The following PTPRG variants were observed in gnomAD, a reference collection of about 807,000 sequenced individuals.
The protein encoded by PTPRG is receptor-type tyrosine-protein phosphatase gamma.
Under a neutral mutation model 165.3 loss-of-function variants are expected in PTPRG, and 102 were observed. The observed-to-expected ratio is 0.62, with a 90% CI of 0.53 to 0.73. The LOEUF (loss-of-function observed/expected upper bound fraction) is 0.73, where lower values mean the gene tolerates loss of function less well. Among genes scored for constraint, PTPRG ranks in the 30% least tolerant of loss-of-function variants. The pLI is 0.00. For missense variants in PTPRG, 1,866 were observed against 1,861.4 expected (o/e 1.00, Z -0.05); for synonymous variants, 675 against 669.5 (o/e 1.01, Z -0.13).
intron 5 of PTPRG, among the ~76,000 whole-genome samples, chr3:62,086,023 T>A (rs1024876334): frequency 6.6e-6 from 1 of 152,174 alleles, no homozygotes; most frequent in Non-Finnish European, 1.5e-5. Flanking sequence ...AAGAATTATA[T>A]CTTATGTATA....
intron 1 of PTPRG, among the ~76,000 whole-genome samples, chr3:61,676,775 A>G (rs1333491523): frequency 6.6e-6 from 1 of 152,168 alleles, no homozygotes; most frequent in African/African-American, 2.4e-5. Context: ...CCTTCCTCTC[A>G]TCAGGGATAG....
chr3:61,622,385 A>G (rs1701485358), intron 1 of PTPRG, among the ~76,000 whole-genome samples: 1 of 152,208 alleles, frequency 6.6e-6, no homozygotes, highest in Non-Finnish European at 1.5e-5. Context: ...AGTGCCTAAC[A>G]GAAGTTGGTA....
intron 1 of PTPRG, among the ~76,000 whole-genome samples, chr3:61,726,228 G>C (rs1274022185): frequency 6.6e-6 from 1 of 152,142 alleles, no homozygotes; most frequent in Non-Finnish European, 1.5e-5. Flanking sequence ...ATGTGTAGTG[G>C]CTTTGTTTTG....
rs549868375 is a variant in PTPRG, at chr3:61,587,272, T to C, written c.85+24900T>C. Among the ~76,000 whole-genome samples, 4 of 152,240 alleles carry C rather than the reference T, an allele frequency of 2.6e-5. No homozygotes were observed. The South Asian group carries it at 8.3e-4, about 31-fold the overall frequency. On this transcript the variant is annotated intron_variant, in intron 1 of 29. Transcript: ENST00000474889. Reference sequence around the variant, plus strand: ...TGTTAAATTTTGAAATAATTTCAGATTTCTAGAAAACTTACAAAATTGTAC... The same window carrying C: ...TGTTAAATTTTGAAATAATTTCAGACTTCTAGAAAACTTACAAAATTGTAC...
intron 2 of PTPRG, among the ~76,000 whole-genome samples, chr3:61,791,218 T>C (rs2107127843): frequency 6.6e-6 from 1 of 152,342 alleles, no homozygotes; most frequent in African/African-American, 2.4e-5. Context: ...AACTGTCCTT[T>C]CTTAGTGGGC....
At chr3:61,803,494 T>C (rs1485655723) in intron 2 of PTPRG, among the ~76,000 whole-genome samples, 1 of 126,138 alleles carries the variant, frequency 7.9e-6, no homozygotes, top group African/African-American at 3.5e-5. Flanking sequence ...TTGTCCATGT[T>C]GTCCAACATG....
At position 61,672,742 on chromosome 3, in the gene PTPRG, GAGAGGGAGAGGGAGAGGGAGA is replaced by G. The variant is rs1488658690; in HGVS notation, c.86-76119_86-76099del. ...GGGAGAGGGAGACTGTGGGGAGAGGGAGAGGGAGAGGGAGAGGGAGAAGAGGGAGAGGGAGAGAGGGAGAGA... is the reference window on the plus strand; with the variant it reads ...GGGAGAGGGAGACTGTGGGGAGAGGGAGAGGGAGAGGGAGAGAGGGAGAGA... On this transcript the variant is annotated intron_variant, in intron 1 of 29. Transcript: ENST00000474889. 1.7e-3 allele frequency among the ~76,000 whole-genome samples: 230 copies of G among 135,448 alleles called. 5 individuals carry two copies. The East Asian group carries it at 0.038, about 23-fold the overall frequency. 88.9% of individuals were successfully genotyped at this position (135,448 alleles called of 152,430 possible).
intron 5 of PTPRG, among the ~76,000 whole-genome samples, chr3:62,105,308 G>A (rs189746061): frequency 2.0e-5 from 3 of 152,322 alleles, no homozygotes; most frequent in African/African-American, 7.2e-5. Context: ...ATGTTCTGGT[G>A]TGTGATCTGA....
chr3:61,613,469 T>C (rs1026196818), intron 1 of PTPRG, among the ~76,000 whole-genome samples: 1 of 152,224 alleles, frequency 6.6e-6, no homozygotes, highest in African/African-American at 2.4e-5. Flanking sequence ...GGAATTTGTG[T>C]GTTTCTTAGA....
intron 2 of PTPRG, among the ~76,000 whole-genome samples, chr3:61,819,489 A>G (rs2035891603): frequency 6.6e-6 from 1 of 152,198 alleles, no homozygotes; most frequent in African/African-American, 2.4e-5. Context: ...GTGGCCCTGA[A>G]TAAATTTGTG....
chr3:61,648,207 A>G (rs1702257415), intron 1 of PTPRG, among the ~76,000 whole-genome samples: 1 of 152,242 alleles, frequency 6.6e-6, no homozygotes, highest in Admixed American at 6.5e-5. Flanking sequence ...GATTAAAATA[A>G]CATATTAGGA....
intron 2 of PTPRG, among the ~76,000 whole-genome samples, chr3:61,941,234 A>G (rs998465248): frequency 6.6e-6 from 1 of 152,364 alleles, no homozygotes. Flanking sequence ...TGCTTCATCC[A>G]TGTAAAGGGC....
chr3:62,091,649 C>G (rs1003599631), intron 5 of PTPRG, among the ~76,000 whole-genome samples: 1 of 152,154 alleles, frequency 6.6e-6, no homozygotes, highest in Admixed American at 6.5e-5. Flanking sequence ...TGTATCCTTT[C>G]CTGTGAGCTT....
At chr3:61,679,431 A>G (rs111620012) in intron 1 of PTPRG, among the ~76,000 whole-genome samples, 17 of 152,284 alleles carry the variant, frequency 1.1e-4, no homozygotes, top group African/African-American at 3.8e-4. Flanking sequence ...AAGTCACGGA[A>G]TGACCCTGGT....
intron 5 of PTPRG, among the ~76,000 whole-genome samples, chr3:62,117,724 A>G (rs2106878694): frequency 6.6e-6 from 1 of 152,334 alleles, no homozygotes; most frequent in East Asian, 1.9e-4. Flanking sequence ...ATCTACTAAT[A>G]TCACAATTAC....
chr3:61,814,309 C>T (rs888635771), intron 2 of PTPRG, among the ~76,000 whole-genome samples: 1 of 152,228 alleles, frequency 6.6e-6, no homozygotes, highest in Non-Finnish European at 1.5e-5. Context: ...GACCCTCTCG[C>T]TCTTTCACCA....
At chr3:61,739,993 G>A (rs12490846) in intron 1 of PTPRG, among the ~76,000 whole-genome samples, 19,291 of 152,172 alleles carry the variant, frequency 0.13, 1,754 homozygotes, top group East Asian at 0.48. Flanking sequence ...AATGCAATAC[G>A]CATACACCCA....
intron 3 of PTPRG, among the ~76,000 whole-genome samples, chr3:62,002,004 C>T (rs2041182137): frequency 6.6e-6 from 1 of 152,180 alleles, no homozygotes; most frequent in East Asian, 1.9e-4. Context: ...GTTTAATTGG[C>T]ACAAGAAACA....
At chr3:61,810,269 T>C (rs1192809803) in intron 2 of PTPRG, among the ~76,000 whole-genome samples, 1 of 152,148 alleles carries the variant, frequency 6.6e-6, no homozygotes, top group African/African-American at 2.4e-5. Flanking sequence ...AAAATGAGTT[T>C]AGGGTGCAGG....
Sources: allele counts gnomAD v4.1 joint callset (sites outside exome capture counted in the v4.1 genomes callset), GRCh38; gene constraint gnomAD v4.1.1; transcripts MANE v1.5; gene names NCBI Gene and HGNC (gene_info 2026-07-23, HGNC 2026-07-21).